Variants in ALOX5 observed in about 807,000 individuals in gnomAD.
The protein encoded by ALOX5 is arachidonate 5-lipoxygenase.
In ALOX5, 64 loss-of-function variants were observed where a neutral mutation model predicts 87.9. The observed-to-expected ratio is 0.73, with a 90% CI of 0.60 to 0.90. ALOX5 has a LOEUF of 0.90. Among genes scored for constraint, ALOX5 ranks in the 40% least tolerant of loss-of-function variants. The pLI is 0.00. For synonymous variants in ALOX5, 388 were observed against 355.1 expected (o/e 1.09, Z -1.04); for missense variants, 822 against 907.5 (o/e 0.91, Z 1.21).
chr10:45,393,095 T>C (rs1483220233), intron 2 of ALOX5, among the ~76,000 whole-genome samples: 1 of 152,166 alleles, frequency 6.6e-6, no homozygotes, highest in African/African-American at 2.4e-5. Context: ...CCTCCCTAAC[T>C]CATTTTATGA....
At chr10:45,383,073 G>A (rs962766720) in intron 2 of ALOX5, among the ~76,000 whole-genome samples, 1 of 152,252 alleles carries the variant, frequency 6.6e-6, no homozygotes, top group African/African-American at 2.4e-5. Flanking sequence ...TGCCCTCCGT[G>A]AGATCACAGT....
chr10:45,439,452 CT>C (rs1319985858), intron 7 of ALOX5, among the ~76,000 whole-genome samples: 1 of 152,204 alleles, frequency 6.6e-6, no homozygotes, highest in Non-Finnish European at 1.5e-5. Flanking sequence ...CCACCTCATT[CT>C]TTCTGTCAAC....
chr10:45,407,598 AG>A (rs770808452), intron 3 of ALOX5, among the ~76,000 whole-genome samples: 17 of 152,218 alleles, frequency 1.1e-4, no homozygotes, highest in Non-Finnish European at 2.2e-4. Context: ...ATGTAAGAGC[AG>A]GGCAGGGAAA....
intron 4 of ALOX5, among the ~76,000 whole-genome samples, chr10:45,423,018 C>G (rs1027957132): frequency 5.9e-5 from 9 of 152,218 alleles, no homozygotes; most frequent in African/African-American, 1.9e-4. Context: ...ACGGGTACCC[C>G]ACCCTCGTGA....
chr10:45,392,059 C>G (rs927288932), intron 2 of ALOX5, among the ~76,000 whole-genome samples: 6 of 151,594 alleles, frequency 4.0e-5, no homozygotes, highest in Admixed American at 3.3e-4. Context: ...CCCGCCCGGC[C>G]AGCCGCCCCG....
chr10:45,409,555 TTC>T (rs201367701), intron 3 of ALOX5, among the ~76,000 whole-genome samples: 2 of 137,386 alleles, frequency 1.5e-5, no homozygotes, highest in African/African-American at 5.2e-5. Context: ...CTCTCTTGCT[TTC>T]TCTCTCTCTC....
intron 3 of ALOX5, among the ~76,000 whole-genome samples, chr10:45,401,640 A>G (rs1840701941): frequency 6.6e-6 from 1 of 152,194 alleles, no homozygotes; most frequent in South Asian, 2.1e-4. Flanking sequence ...ATGCCTCATC[A>G]TTCACTTAAA....
At position 45,443,813 on chromosome 10, in the gene ALOX5, G is replaced by C. The variant is rs779127040; in HGVS notation, c.1659G>C (p.Ala553=). 9 of 1,607,434 alleles carry C rather than the reference G, an allele frequency of 5.6e-6. No homozygotes were observed. Among genetic ancestry groups the C allele is most frequent in the Non-Finnish European group, 7.6e-6 (9 of 1,177,456 alleles). Residue 553 remains alanine, a synonymous_variant, in exon 12 of 14, where the codon GCG becomes GCC. Transcript: ENST00000374391. ...TCACCGCCTCCGCCCAGCACGCCGCGGTCAACTTCGGCCAGGTAGGCAGGG... is the reference window on the plus strand; with the variant it reads ...TCACCGCCTCCGCCCAGCACGCCGCCGTCAACTTCGGCCAGGTAGGCAGGG... ...VIFTASAQHA[A]VNFGQYDWCS...
chr10:45,420,577 G>C (rs756491944), intron 4 of ALOX5, among the ~76,000 whole-genome samples: 6 of 152,266 alleles, frequency 3.9e-5, no homozygotes, highest in Non-Finnish European at 4.4e-5. Flanking sequence ...CCCACTGGCA[G>C]GAAACTGAAA....
rs185808974 is a variant in ALOX5, at chr10:45,416,468, A to G, written c.554+4155A>G. Among the ~76,000 whole-genome samples, 431 of 152,258 alleles carry G rather than the reference A, an allele frequency of 2.8e-3. 2 individuals carry two copies. The highest frequency in any genetic ancestry group is 9.9e-3 in the African/African-American group (411 of 41,532). On this transcript the variant is annotated intron_variant, in intron 4 of 13. Coordinates refer to ENST00000374391, the MANE Select transcript of ALOX5 (RefSeq NM_000698.5). ...GTTAGGGGCTCACTTCCCTTCCCCT[A>G]CTCTGGGATTGGGATTGTTGATCAA...
At chr10:45,384,508 T>C (rs1376843873) in intron 2 of ALOX5, among the ~76,000 whole-genome samples, 4 of 152,170 alleles carry the variant, frequency 2.6e-5, no homozygotes, top group South Asian at 2.1e-4. Flanking sequence ...GGCTGGGCCT[T>C]CTTCTGTCAT....
At chr10:45,441,068 A>G (rs1842219699) in intron 8 of ALOX5, among the ~76,000 whole-genome samples, 1 of 152,232 alleles carries the variant, frequency 6.6e-6, no homozygotes, top group Non-Finnish European at 1.5e-5. Context: ...TTACAGAATG[A>G]TGGTCAGATT....
intron 2 of ALOX5, among the ~76,000 whole-genome samples, chr10:45,390,029 G>C (rs7907779): frequency 0.13 from 20,067 of 152,120 alleles, 1,598 homozygotes; most frequent in Non-Finnish European, 0.17. Context: ...AACAAAGGCA[G>C]GGGTTGCAAT....
intron 1 of ALOX5, among the ~76,000 whole-genome samples, chr10:45,378,663 C>T (rs973656395): frequency 6.6e-6 from 1 of 152,194 alleles, no homozygotes; most frequent in Non-Finnish European, 1.5e-5. Context: ...TGGTATTTTC[C>T]TGGAAGGAGG....
chr10:45,424,766 T>C (rs1841635687), intron 5 of ALOX5, among the ~76,000 whole-genome samples, 194 bp from the exon 6 acceptor site: 1 of 152,160 alleles, frequency 6.6e-6, no homozygotes, highest in Admixed American at 6.5e-5. Flanking sequence ...AAGGGCCAGC[T>C]CAGGTATGAT....
chr10:45,378,064 C>T (rs535425387), intron 1 of ALOX5, among the ~76,000 whole-genome samples: 6 of 152,246 alleles, frequency 3.9e-5, no homozygotes, highest in African/African-American at 1.4e-4. Context: ...CGTGTGAATC[C>T]CCCGGGGACC....
In ALOX5 at chr10:45,445,784, C is replaced by G; in HGVS notation, c.*97C>G. 7.5e-7 allele frequency: 1 copy of G among 1,331,566 alleles called. No individual in the cohort carries two copies. Among genetic ancestry groups the G allele is most frequent in the Non-Finnish European group, 1.0e-6 (1 of 956,732 alleles). 82.5% of individuals were successfully genotyped at this position (1,331,566 alleles called of 1,614,324 possible). Reference sequence around the variant, plus strand: ...GTCTGGCCAGGCCTCTTGGCAGTCACATCTCTTCCTCCGAGGCCAGTACCT... The same window carrying G: ...GTCTGGCCAGGCCTCTTGGCAGTCAGATCTCTTCCTCCGAGGCCAGTACCT... On this transcript the variant is annotated 3_prime_UTR_variant, in exon 14 of 14. Coordinates refer to ENST00000374391, the MANE Select transcript of ALOX5 (RefSeq NM_000698.5).
At chr10:45,377,361 C>T (rs1839653374) in intron 1 of ALOX5, among the ~76,000 whole-genome samples, 1 of 151,604 alleles carries the variant, frequency 6.6e-6, no homozygotes, top group African/African-American at 2.4e-5. Flanking sequence ...CCTCCTCTTC[C>T]TTCCCCTGCT....
chr10:45,405,592 A>G (rs539724062), intron 3 of ALOX5, among the ~76,000 whole-genome samples: 24 of 152,272 alleles, frequency 1.6e-4, no homozygotes, highest in African/African-American at 5.8e-4. Flanking sequence ...TTTATTAACT[A>G]TGTATTGTTT....
Sources: gnomAD v4.1 joint callset for allele counts (sites outside exome capture counted in the v4.1 genomes callset) on GRCh38, gnomAD v4.1.1 for gene constraint, MANE v1.5 for transcripts, NCBI Gene and HGNC (gene_info 2026-07-23, HGNC 2026-07-21) for gene names.